Variants in CERS1 observed in about 807,000 individuals in gnomAD.
The protein encoded by CERS1 is Embryonic growth/differentiation factor 1.
A neutral mutation model predicts 35.7 loss-of-function variants in CERS1; 16 were observed. That is an observed-to-expected ratio of 0.45 (90% CI 0.30 to 0.68). CERS1 has a LOEUF of 0.68. CERS1 is among the 30% of genes least tolerant of loss of function. CERS1 has a pLI of 0.08. For missense variants in CERS1, 454 were observed against 453.9 expected (o/e 1.00, Z 0.00); for synonymous variants, 243 against 201.6 (o/e 1.21, Z -1.74).
Position 18,870,336 on chromosome 19 carries a change from C to T in CERS1, c.*241G>A. 6.5e-7 allele frequency: 1 copy of T among 1,543,000 alleles called. No individual in the cohort carries two copies. The highest frequency in any genetic ancestry group is 8.7e-7 in the Non-Finnish European group (1 of 1,145,814). The stretch of plus-strand genomic sequence containing the variant: ...CCTCCCAGGCGATGACCAGAGAGTG[C>T]GCAGGGTCCGCGGCGGCCCGGGACC... On this transcript the variant is annotated 3_prime_UTR_variant, in exon 7 of 8. Coordinates refer to ENST00000623882, the MANE Select transcript of CERS1 (RefSeq NM_021267.5). The surrounding 1 kb of genome is among the most constrained non-coding windows in gnomAD (Gnocchi z 5.1).
Position 18,868,853 on chromosome 19 carries a change from G to A in CERS1, c.*1132C>T. The A allele has an allele frequency of 1.4e-6, 2 of 1,446,820 alleles. No individual in the cohort carries two copies. The highest frequency in any genetic ancestry group is 1.8e-6 in the Non-Finnish European group (2 of 1,092,124). 89.6% of individuals were successfully genotyped at this position (1,446,820 alleles called of 1,614,324 possible). A position where few individuals can be genotyped will look rare whatever the true frequency, so the allele number is the denominator to read the frequency against. On this transcript the variant is annotated 3_prime_UTR_variant, in exon 8 of 8. Transcript: ENST00000623882. The stretch of plus-strand genomic sequence containing the variant: ...GCAGTAGTTGGCCAGGAAGCCGCGC[G>A]GCGCGATGACCCAGCGGTGCCAGCC...
chr19:18,890,164 C>G (rs995685005), intron 2 of CERS1, among the ~76,000 whole-genome samples: 3 of 152,220 alleles, frequency 2.0e-5, no homozygotes, highest in African/African-American at 7.2e-5. Flanking sequence ...GTCCCTGCCT[C>G]TCCTGCCTGC....
At chr19:18,893,685 A>G in intron 1 of CERS1, 110 bp from the exon 2 acceptor site, 1 of 1,147,542 alleles carries the variant, frequency 8.7e-7, no homozygotes, top group Non-Finnish European at 1.2e-6. Context: ...CAGCACTGGG[A>G]AGGCCTGTCC....
chr19:18,868,905 G>A lies in CERS1; in HGVS notation c.*1080C>T, dbSNP rs1173969061. The A allele has an allele frequency of 9.4e-6, 13 of 1,386,094 alleles. No homozygotes were observed. Among genetic ancestry groups the A allele is most frequent in the East Asian group, 3.9e-5 (1 of 25,824 alleles). The allele number at this position is 1,386,094 out of a possible 1,614,324, so 85.9% of individuals were successfully genotyped here. A position where few individuals can be genotyped will look rare whatever the true frequency, so the allele number is the denominator to read the frequency against. Reference sequence around the variant, plus strand: ...ACCTCGCGGAAGCTCACGTACAGCCGCCGCGCGCGACAAGCGCCCCCGGGG... The same window carrying A: ...ACCTCGCGGAAGCTCACGTACAGCCACCGCGCGCGACAAGCGCCCCCGGGG... On this transcript the variant is annotated 3_prime_UTR_variant, in exon 8 of 8. Coordinates refer to ENST00000623882, the MANE Select transcript of CERS1 (RefSeq NM_021267.5).
chr19:18,869,402 G>T lies in CERS1; in HGVS notation c.*595-12C>A, dbSNP rs764806804. 1.0e-5 allele frequency: 16 copies of T among 1,528,062 alleles called. 1 individual carries two copies. The South Asian group carries it at 1.4e-4, about 14-fold the overall frequency. 94.7% of individuals were successfully genotyped at this position (1,528,062 alleles called of 1,614,324 possible). A position where few individuals can be genotyped will look rare whatever the true frequency, so the allele number is the denominator to read the frequency against. On this transcript the variant is annotated splice_polypyrimidine_tract_variant and intron_variant, in intron 7 of 7. Coordinates refer to ENST00000623882, the MANE Select transcript of CERS1 (RefSeq NM_021267.5). ...CCGGGTGGGCGCACCTGGGGAGGTA[G>T]GAACAGGAACTCGGCTCGCGCTGCG... is the stretch of plus-strand genomic sequence containing the variant.
chr19:18,874,259 A>G (rs537092784), intron 6 of CERS1, among the ~76,000 whole-genome samples: 17 of 152,262 alleles, frequency 1.1e-4, no homozygotes, highest in South Asian at 4.2e-4. Flanking sequence ...CTCAGGAGAG[A>G]AGATGCTCCT....
At chr19:18,894,218 T>C (rs1314939012) in intron 1 of CERS1, among the ~76,000 whole-genome samples, 1 of 113,204 alleles carries the variant, frequency 8.8e-6, no homozygotes, top group East Asian at 3.1e-4. Context: ...AGGAAGCTGC[T>C]GGCTCCAAGG....
At chr19:18,881,014 T>C (rs1388484563) in intron 3 of CERS1, among the ~76,000 whole-genome samples, 3 of 151,906 alleles carry the variant, frequency 2.0e-5, no homozygotes, top group Non-Finnish European at 2.9e-5. Flanking sequence ...AGTTCCTTGC[T>C]GGCCCCTCCT....
At chr19:18,889,816 C>T (rs1021279300) in intron 2 of CERS1, among the ~76,000 whole-genome samples, 78 of 152,242 alleles carry the variant, frequency 5.1e-4, no homozygotes, top group African/African-American at 1.5e-3. Context: ...AATCCAGAAT[C>T]TTGGTCTCCC....
chr19:18,889,931 T>C (rs987274024), intron 2 of CERS1, among the ~76,000 whole-genome samples: 1 of 152,146 alleles, frequency 6.6e-6, no homozygotes, highest in Non-Finnish European at 1.5e-5. Context: ...TTCTAAACAT[T>C]TCTAAAATTG....
rs1248777112 is a variant in CERS1, at chr19:18,868,926, CG to C, written c.*1058del. On this transcript the variant is annotated 3_prime_UTR_variant, in exon 8 of 8. Coordinates refer to ENST00000623882, the MANE Select transcript of CERS1 (RefSeq NM_021267.5). ...AGCCGCCGCGCGCGACAAGCGCCCC[CG>C]GGGCCGCCGCCCAACACGGGTTCGG... 2.3e-6 allele frequency: 3 copies of C among 1,331,380 alleles called. No individual in the cohort carries two copies. The highest frequency in any genetic ancestry group is 1.4e-5 in the South Asian group (1 of 70,440). The allele number at this position is 1,331,380 out of a possible 1,614,324, so 82.5% of individuals were successfully genotyped here.
intron 1 of CERS1, 41 bp from the exon 2 acceptor site, chr19:18,893,616 G>A (rs368521270): frequency 5.7e-6 from 9 of 1,573,294 alleles, no homozygotes; most frequent in Non-Finnish European, 7.8e-6. Context: ...TGGTGCTGGG[G>A]GCCAGAGACT....
rs186889230 is a variant in CERS1, at chr19:18,893,531, C to T, written c.294G>A (p.Lys98=). ...RCCLQPRDAA[K]MPESAWKFLF... ...GAAACTTCCAAGCGCTCTCGGGCAT[C>T]TTGGCGGCATCTCTGGGCTGGAGGC... Residue 98 remains lysine (K), a synonymous_variant, in exon 2 of 8, where the codon AAG becomes AAA. Coordinates refer to ENST00000623882, the MANE Select transcript of CERS1 (RefSeq NM_021267.5). 18 of 1,610,928 alleles carry T rather than the reference C, an allele frequency of 1.1e-5. No homozygotes were observed. In the African/African-American group the frequency reaches 2.1e-4, roughly 19 times the overall value.
chr19:18,885,126 C>T (rs2056317845), intron 2 of CERS1, among the ~76,000 whole-genome samples: 1 of 152,184 alleles, frequency 6.6e-6, no homozygotes, highest in South Asian at 2.1e-4. Flanking sequence ...ATTTCCATTT[C>T]CCTGGCTTTA....
At chr19:18,877,630 TG>T (rs1322279022) in intron 6 of CERS1, among the ~76,000 whole-genome samples, 3 of 151,772 alleles carry the variant, frequency 2.0e-5, no homozygotes, top group Non-Finnish European at 4.4e-5. Flanking sequence ...TGCATGCCTG[TG>T]GGCCCAGCTA....
chr19:18,869,258 G>C lies in CERS1; in HGVS notation c.*727C>G, dbSNP rs1305548087. On this transcript the variant is annotated 3_prime_UTR_variant, in exon 8 of 8. Transcript: ENST00000623882. ...GCCCTCCGGGGCTGCCGCCGCCGCC[G>C]CCGCGAAACGCAGCTCCAGGCGGGC... The C allele has an allele frequency of 6.9e-7, 1 of 1,451,776 alleles. No individual in the cohort carries two copies. 89.9% of individuals were successfully genotyped at this position (1,451,776 alleles called of 1,614,324 possible).
Position 18,868,894 on chromosome 19 carries a change from C to T in CERS1, c.*1091G>A. 1 of 1,414,676 alleles carries T rather than the reference C, an allele frequency of 7.1e-7. No individual in the cohort carries two copies. Among genetic ancestry groups the T allele is most frequent in the South Asian group, 1.3e-5 (1 of 79,482 alleles). 87.6% of individuals were successfully genotyped at this position (1,414,676 alleles called of 1,614,324 possible). A position where few individuals can be genotyped will look rare whatever the true frequency, so the allele number is the denominator to read the frequency against. On this transcript the variant is annotated 3_prime_UTR_variant, in exon 8 of 8. Transcript: ENST00000623882. Reference sequence around the variant, plus strand: ...GGTGCCAGCCCACCTCGCGGAAGCTCACGTACAGCCGCCGCGCGCGACAAG... The same window carrying T: ...GGTGCCAGCCCACCTCGCGGAAGCTTACGTACAGCCGCCGCGCGCGACAAG...
chr19:18,885,715 G>C (rs2056339771), intron 2 of CERS1, among the ~76,000 whole-genome samples: 2 of 149,060 alleles, frequency 1.3e-5, no homozygotes, highest in African/African-American at 5.0e-5. Context: ...GAGACAGGGT[G>C]TCATCATGTT....
chr19:18,868,810 C>T lies in CERS1; in HGVS notation c.*1175G>A. The T allele has an allele frequency of 6.9e-7, 1 of 1,458,412 alleles. No individual in the cohort carries two copies. Among genetic ancestry groups the T allele is most frequent in the South Asian group, 1.2e-5 (1 of 80,966 alleles). 90.3% of individuals were successfully genotyped at this position (1,458,412 alleles called of 1,614,324 possible). A position where few individuals can be genotyped will look rare whatever the true frequency, so the allele number is the denominator to read the frequency against. On this transcript the variant is annotated 3_prime_UTR_variant, in exon 8 of 8. Coordinates refer to ENST00000623882, the MANE Select transcript of CERS1 (RefSeq NM_021267.5). ...CCCCGGACCCCGACAGCGCGACGGGCAGCGCGCACTGACCCTGGCAGTAGT... is the reference window on the plus strand; with the variant it reads ...CCCCGGACCCCGACAGCGCGACGGGTAGCGCGCACTGACCCTGGCAGTAGT...
Sources: gnomAD v4.1 joint callset for allele counts (sites outside exome capture counted in the v4.1 genomes callset) on GRCh38, gnomAD v4.1.1 for gene constraint, Gnocchi (gnomAD v3.1) non-coding constraint, MANE v1.5 for transcripts, NCBI Gene and HGNC (gene_info 2026-07-23, HGNC 2026-07-21) for gene names.